KIF21A: variants seen among roughly 807,000 people sequenced by gnomAD.
KIF21A encodes kinesin family member 21A, also known as kinesin-like protein KIF21A.
KIF21A carries 114 observed loss-of-function variants against 202.9 expected under a neutral mutation model. The ratio of observed to expected loss-of-function variants is 0.56; its 90% CI spans 0.48 to 0.66. The LOEUF (loss-of-function observed/expected upper bound fraction) is 0.66, where lower values mean the gene tolerates loss of function less well. Ranked by LOEUF, KIF21A falls within the 30% of genes least tolerant of loss-of-function variation. The pLI, the probability that KIF21A is intolerant of heterozygous loss-of-function variation, is 0.00. For synonymous variants in KIF21A, 667 were observed against 670.8 expected, an observed-to-expected ratio of 0.99 and a Z score of 0.09; for missense variants, 1,677 against 1,994.9, an observed-to-expected ratio of 0.84 and a Z score of 3.04.
intron 1 of KIF21A, among the ~76,000 whole-genome samples, chr12:39,392,247 G>C (rs1333555349): frequency 2.6e-5 from 4 of 152,276 alleles, no homozygotes; most frequent in African/African-American, 7.2e-5. Context: ...ATGAAAGAGT[G>C]ACAAGAAGAG....
intron 7 of KIF21A, 83 bp downstream of exon 7, chr12:39,363,015 A>G (rs1022457367): frequency 1.3e-5 from 12 of 893,540 alleles, no homozygotes; most frequent in Middle Eastern, 2.6e-4. Context: ...TTGCAATAAA[A>G]GTAGTTCTTA....
intron 7 of KIF21A, among the ~76,000 whole-genome samples, chr12:39,362,540 A>G (rs1949314214): frequency 6.6e-6 from 1 of 152,200 alleles, no homozygotes; most frequent in African/African-American, 2.4e-5. Context: ...GATGCAAGGT[A>G]TGAGAAAGCA....
intron 26 of KIF21A, 123 bp from the exon 27 acceptor site, chr12:39,323,005 G>GAGA: frequency 9.4e-5 from 65 of 692,862 alleles, no homozygotes; most frequent in South Asian, 1.3e-4. Flanking sequence ...TCCTAGGTGT[G>GAGA]CCAAACATAG....
At chr12:39,400,778 G>T (rs913995920) in intron 1 of KIF21A, among the ~76,000 whole-genome samples, 5 of 152,100 alleles carry the variant, frequency 3.3e-5, no homozygotes, top group Non-Finnish European at 2.9e-5. Flanking sequence ...GTTCTAGAAC[G>T]TGACTATCTT....
In KIF21A at chr12:39,315,982, GAGTT is replaced by G; in HGVS notation, c.3909-16_3909-13del. 1 of 1,588,810 alleles carries G rather than the reference GAGTT, an allele frequency of 6.3e-7. No homozygotes were observed. The highest frequency in any genetic ancestry group is 8.6e-7 in the Non-Finnish European group (1 of 1,157,416). The stretch of plus-strand genomic sequence containing the variant: ...CACTTTCATCAGACCTATAGTGAAA[GAGTT>G]AGAATTATGAGAGAAAGAATACAGA... On this transcript the variant is annotated splice_polypyrimidine_tract_variant and intron_variant, in intron 29 of 37. Transcript: ENST00000361418.
At chr12:39,311,706 A>C (rs1316668407) in intron 31 of KIF21A, 153 bp from the exon 32 acceptor site, 1 of 727,854 alleles carries the variant, frequency 1.4e-6, no homozygotes, top group Non-Finnish European at 2.3e-6. Flanking sequence ...GCAAAAGGAC[A>C]AAGTGTGAAA....
Position 39,307,744 on chromosome 12 carries a change from A to G in KIF21A, c.4278-15T>C. 2 of 1,612,688 alleles carry G rather than the reference A, an allele frequency of 1.2e-6. No homozygotes were observed. Among genetic ancestry groups the G allele is most frequent in the Non-Finnish European group, 1.7e-6 (2 of 1,179,212 alleles). On this transcript the variant is annotated splice_polypyrimidine_tract_variant and intron_variant, in intron 33 of 37. Transcript: ENST00000361418. Reference sequence around the variant, plus strand: ...GACCTGAAGACCTTAAGAGATACAAACAAAGCAAAAAAGTCACACTTCTGG... The same window carrying G: ...GACCTGAAGACCTTAAGAGATACAAGCAAAGCAAAAAAGTCACACTTCTGG...
intron 37 of KIF21A, among the ~76,000 whole-genome samples, chr12:39,295,950 G>T (rs754747552): frequency 7.4e-5 from 11 of 147,892 alleles, no homozygotes; most frequent in Non-Finnish European, 1.6e-4. Flanking sequence ...TGCCTGCCTC[G>T]GCCTCCCAAA....
chr12:39,370,307 A>G (rs1949866016), intron 1 of KIF21A, 46 bp from the exon 2 acceptor site: 1 of 1,436,704 alleles, frequency 7.0e-7, no homozygotes, highest in Non-Finnish European at 9.7e-7. Context: ...AAATGGCAAA[A>G]AAAAACCTCT....
chr12:39,331,591 T>G, intron 22 of KIF21A, 99 bp downstream of exon 22: 1 of 815,912 alleles, frequency 1.2e-6, no homozygotes, highest in Non-Finnish European at 2.2e-6. Context: ...ATAATCTTCT[T>G]CCTTATTACA....
intron 1 of KIF21A, among the ~76,000 whole-genome samples, chr12:39,375,288 C>G (rs1295704381): frequency 6.6e-6 from 1 of 152,124 alleles, no homozygotes; most frequent in Non-Finnish European, 1.5e-5. Flanking sequence ...GAGTTTTAGT[C>G]ATGAAACTTA....
intron 10 of KIF21A, among the ~76,000 whole-genome samples, chr12:39,354,811 T>C (rs1948645706): frequency 6.6e-6 from 1 of 152,198 alleles, no homozygotes; most frequent in Non-Finnish European, 1.5e-5. Flanking sequence ...GATACCTTTA[T>C]ATTTAAGAAC....
chr12:39,339,468 T>A (rs896632830), intron 16 of KIF21A, among the ~76,000 whole-genome samples: 1 of 152,108 alleles, frequency 6.6e-6, no homozygotes, highest in Non-Finnish European at 1.5e-5. Context: ...ATAAGTACAC[T>A]CCATGATGTT....
In KIF21A at chr12:39,341,602, A is replaced by G; in HGVS notation, c.1824T>C (p.Ser608=). The G allele has an allele frequency of 6.2e-7, 1 of 1,609,696 alleles. No individual in the cohort carries two copies. Among genetic ancestry groups the G allele is most frequent in the Non-Finnish European group, 8.5e-7 (1 of 1,177,800 alleles). The part of the protein sequence containing the change: ...ELEVEESQEV[S]DHEDEEEEEE... ...CCTCCTCTTCTTCATCCTCATGATC[A>G]CTCACTTCTTGACTTTCTTCCTAAA... The change falls in exon 14 of 38, where the codon AGT becomes AGC. Residue 608 remains serine (S), a synonymous_variant. Coordinates refer to ENST00000361418, the MANE Select transcript of KIF21A (RefSeq NM_001173464.2).
intron 27 of KIF21A, among the ~76,000 whole-genome samples, chr12:39,320,221 G>A (rs1328993299): frequency 6.6e-6 from 1 of 152,030 alleles, no homozygotes; most frequent in Non-Finnish European, 1.5e-5. Flanking sequence ...TTTTAAATTG[G>A]TGATCTTATT....
chr12:39,293,533 CA>C lies in KIF21A; in HGVS notation c.*890del, dbSNP rs1328935257. 1 of 152,350 alleles carries C rather than the reference CA, an allele frequency of 6.6e-6. No individual in the cohort carries two copies. The highest frequency in any genetic ancestry group is 6.5e-5 in the Admixed American group (1 of 15,268). 9.4% of individuals were successfully genotyped at this position (152,350 alleles called of 1,614,324 possible). A position where few individuals can be genotyped will look rare whatever the true frequency, so the allele number is the denominator to read the frequency against. On this transcript the variant is annotated 3_prime_UTR_variant, in exon 38 of 38. Coordinates refer to ENST00000361418, the MANE Select transcript of KIF21A (RefSeq NM_001173464.2). ...TGATAATAGCTCTCATCATAGCTAC[CA>C]AGGTTCGCAAACATAGTATATTTAA...
At chr12:39,409,184 C>T (rs1243102992) in intron 1 of KIF21A, among the ~76,000 whole-genome samples, 4 of 151,416 alleles carry the variant, frequency 2.6e-5, no homozygotes, top group South Asian at 2.1e-4. Context: ...CCAAAACTAA[C>T]GAAAGACAAG....
chr12:39,321,216 AAT>A (rs1167591897), intron 27 of KIF21A: 1 of 152,236 alleles, frequency 6.6e-6, no homozygotes, highest in Non-Finnish European at 1.5e-5. Context: ...AAGAATTACA[AAT>A]ATATGAGTAT....
intron 36 of KIF21A, among the ~76,000 whole-genome samples, chr12:39,302,471 C>G (rs941556393): frequency 6.6e-6 from 1 of 152,136 alleles, no homozygotes; most frequent in Non-Finnish European, 1.5e-5. Flanking sequence ...TAGGAAAAGA[C>G]AGCAATATTT....
Sources: gnomAD v4.1 joint callset for allele counts (sites outside exome capture counted in the v4.1 genomes callset) on GRCh38, gnomAD v4.1.1 for gene constraint, MANE v1.5 for transcripts, NCBI Gene and HGNC (gene_info 2026-07-23, HGNC 2026-07-21) for gene names.